Variants in ING5 observed in about 807,000 individuals in gnomAD.
The protein encoded by ING5 is inhibitor of growth protein 5.
ING5 carries 17 observed loss-of-function variants against 37.4 expected under a neutral mutation model. That is an observed-to-expected ratio of 0.45 (90% confidence interval 0.31 to 0.68). The LOEUF (loss-of-function observed/expected upper bound fraction) is 0.68. ING5 is among the 30% of genes least tolerant of loss of function. ING5 has a pLI of 0.05. For missense variants in ING5, 233 were observed against 311.9 expected (o/e 0.75, Z 1.91); for synonymous variants, 123 against 116.6 (o/e 1.06, Z -0.36).
chr2:241,722,887 G>A (rs374873943), intron 5 of ING5, 52 bp from the exon 6 acceptor site: 141 of 1,606,328 alleles, frequency 8.8e-5, no homozygotes, highest in Middle Eastern at 3.5e-4. Context: ...TGTCCGTGCC[G>A]CCTCACTTCC....
intron 3 of ING5, among the ~76,000 whole-genome samples, chr2:241,710,331 C>T (rs2070069290): frequency 1.3e-5 from 2 of 151,876 alleles, no homozygotes; most frequent in African/African-American, 4.8e-5. Context: ...GAGACAGGGC[C>T]TCACTGTGTC....
chr2:241,703,886 A>G (rs570740749), intron 1 of ING5, among the ~76,000 whole-genome samples: 3 of 152,174 alleles, frequency 2.0e-5, no homozygotes, highest in Non-Finnish European at 2.9e-5. Context: ...GATTACAGGT[A>G]TGAGCCACCA....
intron 4 of ING5, among the ~76,000 whole-genome samples, 165 bp from the exon 5 acceptor site, chr2:241,711,813 A>C (rs1214438504): frequency 6.6e-6 from 1 of 152,154 alleles, no homozygotes; most frequent in Non-Finnish European, 1.5e-5. Context: ...AGGTGGGTGG[A>C]TTGCTTGAGC....
intron 1 of ING5, among the ~76,000 whole-genome samples, chr2:241,689,323 C>T (rs542275345): frequency 3.3e-5 from 5 of 152,046 alleles, no homozygotes; most frequent in East Asian, 3.9e-4. Flanking sequence ...TTTGCCAGGC[C>T]GGTCTCAAAT....
upstream of ING5, chr2:241,701,894 G>T: frequency 2.9e-6 from 1 of 339,820 alleles, no homozygotes; most frequent in Non-Finnish European, 5.2e-6. Flanking sequence ...CCTCCGCCCG[G>T]GCCCCGCAGC....
chr2:241,709,640 T>C (rs575244897), intron 3 of ING5, among the ~76,000 whole-genome samples: 87 of 150,308 alleles, frequency 5.8e-4, no homozygotes, highest in African/African-American at 2.1e-3. Context: ...ACAGTCTCAC[T>C]TTGTCGTCCA....
intron 2 of ING5, among the ~76,000 whole-genome samples, chr2:241,706,259 C>G (rs1575124303): frequency 6.6e-6 from 1 of 152,138 alleles, no homozygotes; most frequent in Admixed American, 6.6e-5. Flanking sequence ...TCTTAAATGT[C>G]TTCTTTTTGC....
chr2:241,708,833 A>G (rs2070008186), intron 2 of ING5, among the ~76,000 whole-genome samples: 1 of 152,118 alleles, frequency 6.6e-6, no homozygotes, highest in South Asian at 2.1e-4. Flanking sequence ...GGTATTTAAG[A>G]GTAGTGTGTT....
chr2:241,725,525 CCT>C lies in ING5; in HGVS notation c.*496_*497del, dbSNP rs1369284666. 1.3e-5 allele frequency: 2 copies of C among 152,250 alleles called. No individual in the cohort carries two copies. The highest frequency in any genetic ancestry group is 4.8e-5 in the African/African-American group (2 of 41,418). 9.4% of individuals were successfully genotyped at this position (152,250 alleles called of 1,614,324 possible). A position where few individuals can be genotyped will look rare whatever the true frequency, so the allele number is the denominator to read the frequency against. On this transcript the variant is annotated 3_prime_UTR_variant, in exon 8 of 8. Transcript: ENST00000313552. The stretch of plus-strand genomic sequence containing the variant: ...CCTCCTCACACTCGGCTCCGCGCCG[CCT>C]CCGGCCACCGTGCGCTCCCGCGTGG...
At chr2:241,708,353 A>G (rs7605806) in intron 2 of ING5, among the ~76,000 whole-genome samples, 95,970 of 151,348 alleles carry the variant, frequency 0.63, 30,592 homozygotes, top group Admixed American at 0.7. Flanking sequence ...GACTATAGGC[A>G]CCCGCCACCA....
chr2:241,716,090 C>G (rs754621522), intron 5 of ING5, among the ~76,000 whole-genome samples: 1 of 151,836 alleles, frequency 6.6e-6, no homozygotes, highest in African/African-American at 2.4e-5. Context: ...CATGAGCCAC[C>G]GCACCCGGCC....
Position 241,726,277 on chromosome 2 carries a change from G to A in ING5, c.*1246G>A, listed in dbSNP as rs1045437606. On this transcript the variant is annotated 3_prime_UTR_variant, in exon 8 of 8. Transcript: ENST00000313552. Reference sequence around the variant, plus strand: ...AGACGTGAGGTTCCTGATTTAAGAAGCCTGGGTTTCTTCATGGTGGGGGGC... The same window carrying A: ...AGACGTGAGGTTCCTGATTTAAGAAACCTGGGTTTCTTCATGGTGGGGGGC... 7.9e-5 allele frequency: 12 copies of A among 152,200 alleles called. No individual in the cohort carries two copies. Among genetic ancestry groups the A allele is most frequent in the African/African-American group, 2.4e-4 (10 of 41,442 alleles). The allele number at this position is 152,200 out of a possible 1,614,324, so 9.4% of individuals were successfully genotyped here. A position where few individuals can be genotyped will look rare whatever the true frequency, so the allele number is the denominator to read the frequency against.
chr2:241,695,025 A>C (rs950199587), intron 2 of ING5, among the ~76,000 whole-genome samples: 1 of 146,678 alleles, frequency 6.8e-6, no homozygotes, highest in Non-Finnish European at 1.5e-5. Flanking sequence ...TCTCAAAAAA[A>C]AAGGACTGGT....
At chr2:241,717,267 T>C (rs144306058) in intron 5 of ING5, among the ~76,000 whole-genome samples, 7,395 of 152,024 alleles carry the variant, frequency 0.049, 496 homozygotes, top group East Asian at 0.29. Flanking sequence ...GATGGGGTTT[T>C]GCCATGTTGG....
intron 2 of ING5, among the ~76,000 whole-genome samples, chr2:241,691,062 A>G (rs917878363): frequency 6.6e-6 from 1 of 151,624 alleles, no homozygotes; most frequent in Non-Finnish European, 1.5e-5. Flanking sequence ...CACCTGCCTC[A>G]GCCTCCCAAA....
At chr2:241,708,454 G>A (rs768161078) in intron 2 of ING5, among the ~76,000 whole-genome samples, 19 of 151,960 alleles carry the variant, frequency 1.3e-4, no homozygotes, top group Non-Finnish European at 2.4e-4. Context: ...TGATCTGCCC[G>A]CCTCGGCCTC....
chr2:241,709,400 G>T lies in ING5; in HGVS notation c.276+18G>T, dbSNP rs770012060. 1 of 1,603,222 alleles carries T rather than the reference G, an allele frequency of 6.2e-7. No individual in the cohort carries two copies. The highest frequency in any genetic ancestry group is 1.7e-5 in the Admixed American group (1 of 58,508). On this transcript the variant is annotated intron_variant, in intron 3 of 7. Coordinates refer to ENST00000313552, the MANE Select transcript of ING5 (RefSeq NM_032329.6). ...ACGAGATGGTGAGGGCGGGGCGGGGGCCATGGCTCTTCCTCTGACCTCTAC... is the reference window on the plus strand; with the variant it reads ...ACGAGATGGTGAGGGCGGGGCGGGGTCCATGGCTCTTCCTCTGACCTCTAC...
upstream of ING5, among the ~76,000 whole-genome samples, chr2:241,700,628 G>A (rs1559297422): frequency 6.6e-6 from 1 of 151,718 alleles, no homozygotes; most frequent in African/African-American, 2.4e-5. Context: ...GCTAGTTTTT[G>A]TATTATTATT....
In ING5 at chr2:241,727,011, G is replaced by A. The variant is rs1331333610; in HGVS notation, c.*1980G>A. 6.6e-6 allele frequency: 1 copy of A among 152,182 alleles called. No individual in the cohort carries two copies. The highest frequency in any genetic ancestry group is 2.4e-5 in the African/African-American group (1 of 41,416). 9.4% of individuals were successfully genotyped at this position (152,182 alleles called of 1,614,324 possible). On this transcript the variant is annotated 3_prime_UTR_variant, in exon 8 of 8. Coordinates refer to ENST00000313552, the MANE Select transcript of ING5 (RefSeq NM_032329.6). ...AGGGTTTCACCATGTTAACCAGGAT[G>A]GTCTCGATCTCCTGACCTCACGATT...
Sources: gnomAD v4.1 joint callset for allele counts (sites outside exome capture counted in the v4.1 genomes callset) on GRCh38, gnomAD v4.1.1 for gene constraint, MANE v1.5 for transcripts, NCBI Gene and HGNC (gene_info 2026-07-23, HGNC 2026-07-21) for gene names.